Variants in TOPORS observed in about 807,000 individuals in gnomAD.
TOPORS encodes the protein E3 ubiquitin-protein ligase Topors.
A neutral mutation model predicts 81.4 loss-of-function variants in TOPORS; 25 were observed. The observed-to-expected ratio is 0.31, with a 90% CI of 0.22 to 0.43. TOPORS has a LOEUF of 0.43. Among genes scored for constraint, TOPORS ranks in the 20% least tolerant of loss-of-function variants. The probability of loss-of-function intolerance (pLI) is 1.00; values close to 1 mark genes in which losing one functional copy is unlikely to be tolerated. For synonymous variants in TOPORS, 473 were observed against 456.6 expected (o/e 1.04, Z -0.46); for missense variants, 1,101 against 1,267.0 (o/e 0.87, Z 1.99).
intron 1 of TOPORS, 116 bp from the exon 2 acceptor site, chr9:32,551,084 G>A (rs1045686509): frequency 8.0e-6 from 10 of 1,255,366 alleles, no homozygotes; most frequent in Middle Eastern, 2.6e-4. Context: ...CGCATGCGCA[G>A]CAGATGGACG....
At chr9:32,548,670 CTCTAGGAATTAGGACAT>C (rs1289816022) in intron 2 of TOPORS, among the ~76,000 whole-genome samples, 1 of 152,156 alleles carries the variant, frequency 6.6e-6, no homozygotes, top group East Asian at 1.9e-4. Flanking sequence ...CATCCTAGCA[CTCTAGGAATTAGGACAT>C]TTCCTCACAG....
intron 2 of TOPORS, among the ~76,000 whole-genome samples, chr9:32,548,460 A>C (rs1016751972): frequency 1.3e-5 from 2 of 151,968 alleles, no homozygotes; most frequent in African/African-American, 4.8e-5. Flanking sequence ...CGGGAGGCGG[A>C]GGTTGCAGTG....
intron 1 of TOPORS, 39 bp downstream of exon 1, chr9:32,552,395 G>A (rs1324632333): frequency 1.2e-6 from 2 of 1,604,848 alleles, no homozygotes; most frequent in South Asian, 2.2e-5. Flanking sequence ...AAGGCCCGCA[G>A]CTCCCGCCAG....
Position 32,543,126 on chromosome 9 carries a change from GGTC to G in TOPORS, c.1396_1398del (p.Asp466del), listed in dbSNP as rs1195223898. The G allele has an allele frequency of 2.5e-6, 4 of 1,614,048 alleles. No individual in the cohort carries two copies. The highest frequency in any genetic ancestry group is 2.5e-6 in the Non-Finnish European group (3 of 1,180,016). ...GAAGAATCATCACTGTCATTATTTA[GGTC>G]GTCATTGGTTTGTACTCCTTGTATC... On this transcript the variant is annotated inframe_deletion, in exon 3 of 3. Transcript: ENST00000360538. This position sits in a 1 kb window ranked among gnomAD's most constrained non-coding sequence, Gnocchi z 5.6.
chr9:32,552,564 A>T lies in TOPORS; in HGVS notation c.-128T>A, dbSNP rs1434340610. ...GGCCCTATTTCTTCAGCACCCAGAA[A>T]CTCCAAAATCCATTCCTGAATTAAG... On this transcript the variant is annotated 5_prime_UTR_variant, in exon 1 of 3. Transcript: ENST00000360538. 1.6e-6 allele frequency: 2 copies of T among 1,231,776 alleles called. No homozygotes were observed. The highest frequency in any genetic ancestry group is 2.3e-6 in the Non-Finnish European group (2 of 858,226). The allele number at this position is 1,231,776 out of a possible 1,614,324, so 76.3% of individuals were successfully genotyped here. A position where few individuals can be genotyped will look rare whatever the true frequency, so the allele number is the denominator to read the frequency against.
Position 32,543,213 on chromosome 9 carries a change from GAGA to G in TOPORS, c.1309_1311del (p.Ser437del). On this transcript the variant is annotated inframe_deletion, in exon 3 of 3. Transcript: ENST00000360538. The surrounding 1 kb of genome is among the most constrained non-coding windows in gnomAD (Gnocchi z 5.6). ...TCTGAACTGTCAGAAGTATTTAAAA[GAGA>G]AGACATAGTAACGTGTACCTGCTCT... 1.2e-6 allele frequency: 2 copies of G among 1,613,628 alleles called. No homozygotes were observed. Among genetic ancestry groups the G allele is most frequent in the Non-Finnish European group, 1.7e-6 (2 of 1,180,012 alleles).
chr9:32,542,545 CAG>C lies in TOPORS; in HGVS notation c.1978_1979del (p.Leu660ValfsTer4). 6.2e-7 allele frequency: 1 copy of C among 1,614,104 alleles called. No individual in the cohort carries two copies. The highest frequency in any genetic ancestry group is 8.5e-7 in the Non-Finnish European group (1 of 1,180,016). ...TGCTTGTGCTTTCACTACTTAGAGACAGAGTTTGGCTTCTTCTGGACCAACTG... is the reference window on the plus strand; with the variant it reads ...TGCTTGTGCTTTCACTACTTAGAGACAGTTTGGCTTCTTCTGGACCAACTG... ...DSSWSRRSQT[L>X]SLSSESTSRS... On this transcript the variant is annotated frameshift_variant, in exon 3 of 3. Coordinates refer to ENST00000360538, the MANE Select transcript of TOPORS (RefSeq NM_005802.5). LOFTEE classifies it high-confidence loss of function.
In TOPORS at chr9:32,542,929, G is replaced by A. The variant is rs780147778; in HGVS notation, c.1596C>T (p.Cys532=). The part of the protein sequence containing the change: ...YSSGDSDVSR[C]SSPHSVLGKD... ...TTCCAAGGACAGAGTGTGGAGATGA[G>A]CATCTACTAACATCGCTATCACCAG... The change falls in exon 3 of 3, where the codon TGC becomes TGT. Residue 532 remains cysteine, a synonymous_variant. Coordinates refer to ENST00000360538, the MANE Select transcript of TOPORS (RefSeq NM_005802.5). 15 of 1,614,150 alleles carry A rather than the reference G, an allele frequency of 9.3e-6. No individual in the cohort carries two copies. The South Asian group carries it at 1.6e-4, about 18-fold the overall frequency.
At chr9:32,545,295 G>A (rs1821127166) in intron 2 of TOPORS, among the ~76,000 whole-genome samples, 1 of 151,474 alleles carries the variant, frequency 6.6e-6, no homozygotes, top group Admixed American at 6.6e-5. Context: ...TCATGTTTTT[G>A]GTCCCCTTCC....
In TOPORS at chr9:32,552,426, C is replaced by T. The variant is rs202187156; in HGVS notation, c.3+8G>A. ...GCCAGCTCCCGCGGACTGCTGCCGCCTCCTTACCATGAAGCCAGTAAGTCG... is the reference window on the plus strand; with the variant it reads ...GCCAGCTCCCGCGGACTGCTGCCGCTTCCTTACCATGAAGCCAGTAAGTCG... On this transcript the variant is annotated splice_region_variant and intron_variant, in intron 1 of 2. Transcript: ENST00000360538. The T allele has an allele frequency of 6.2e-6, 10 of 1,609,722 alleles. No homozygotes were observed. The East Asian group carries it at 8.9e-5, about 14-fold the overall frequency.
At chr9:32,551,244 AC>A in intron 1 of TOPORS, 1 of 578,444 alleles carries the variant, frequency 1.7e-6, no homozygotes, top group East Asian at 2.9e-5. Flanking sequence ...CCCCTAACTT[AC>A]CCGGAAAACA....
rs145978808 is a variant in TOPORS, at chr9:32,550,951, C to T, written c.21G>A (p.Leu7=). 4.3e-6 allele frequency: 7 copies of T among 1,611,668 alleles called. No individual in the cohort carries two copies. The highest frequency in any genetic ancestry group is 4.0e-5 in the African/African-American group (3 of 75,054). Residue 7 remains leucine (L), a synonymous_variant, in exon 2 of 3, where the codon CTG becomes CTA. Coordinates refer to ENST00000360538, the MANE Select transcript of TOPORS (RefSeq NM_005802.5). MGSQPP[L]GSPLSREEGE... The stretch of plus-strand genomic sequence containing the variant: ...CCTCCTCGCGAGACAGCGGAGACCC[C>T]AGCGGCGGCTGCGACCCCTGTGACG...
rs544253165 is a variant in TOPORS at position 32,543,227 on chromosome 9, A to T, written c.1298T>A (p.Val433Asp). 27 of 1,613,656 alleles carry T rather than the reference A, an allele frequency of 1.7e-5. No individual in the cohort carries two copies. The highest frequency in any genetic ancestry group is 2.3e-5 in the Non-Finnish European group (27 of 1,180,020). ...AGTATTTAAAAGAGAAGACATAGTA[A>T]CGTGTACCTGCTCTGAGCTTGAGTA... Reference protein sequence around the residue: ...PSYSSSEQVHVTMSSLLNTSD... With the variant: ...PSYSSSEQVHDTMSSLLNTSD... The change falls in exon 3 of 3, where the codon GTT (valine) becomes GAT (aspartate). Residue 433 changes from valine to aspartate, a missense_variant. Around this residue, in one of 9 missense-constraint regions of TOPORS, gnomAD observed 103 missense variants for 112.1 expected, o/e 0.92. Coordinates refer to ENST00000360538, the MANE Select transcript of TOPORS (RefSeq NM_005802.5). The surrounding 1 kb of genome is among the most constrained non-coding windows in gnomAD (Gnocchi z 5.6).
At position 32,542,640 on chromosome 9, in the gene TOPORS, A is replaced by T. The variant is rs2118966814; in HGVS notation, c.1885T>A (p.Ser629Thr). ...HGKKRMKSKR[S>T]RSRESSRPRG... is the part of the protein sequence containing the mutation. ...GGTCTGCTACTTTCCCTGCTTCTGGATCGTTTACTTTTCATTCTTTTCTTC... is the reference window on the plus strand; with the variant it reads ...GGTCTGCTACTTTCCCTGCTTCTGGTTCGTTTACTTTTCATTCTTTTCTTC... Residue 629 changes from serine (S) to threonine (T), a missense_variant, in exon 3 of 3, where the codon TCC (serine) becomes ACC (threonine). Physicochemically the swap from Ser to Thr is moderately conservative, Grantham distance 58 (BLOSUM62 1). This residue lies in a region of TOPORS where 605 missense variants were observed against 636.1 expected (regional missense o/e 0.95). Transcript: ENST00000360538. 6.2e-7 allele frequency: 1 copy of T among 1,613,784 alleles called. No individual in the cohort carries two copies. The highest frequency in any genetic ancestry group is 2.2e-5 in the East Asian group (1 of 44,846).
Position 32,543,964 on chromosome 9 carries a change from T to C in TOPORS, c.561A>G (p.Glu187=). Residue 187 remains glutamate (E), a synonymous_variant, in exon 3 of 3, where the codon GAA becomes GAG. Transcript: ENST00000360538. This position sits in a 1 kb window ranked among gnomAD's most constrained non-coding sequence, Gnocchi z 5.6. ...TAGGTGAATACACAGAAGCATTTCG[T>C]TCCCTTGTCAGAGTTGTACGGTAGC... is the stretch of plus-strand genomic sequence containing the variant. ...RFRYRTTLTR[E]RNASVYSPSG... 1 of 1,614,148 alleles carries C rather than the reference T, an allele frequency of 6.2e-7. No individual in the cohort carries two copies. The highest frequency in any genetic ancestry group is 8.5e-7 in the Non-Finnish European group (1 of 1,180,010).
Position 32,543,623 on chromosome 9 carries a change from T to C in TOPORS, c.902A>G (p.Lys301Arg). 6.2e-7 allele frequency: 1 copy of C among 1,612,358 alleles called. No individual in the cohort carries two copies. The highest frequency in any genetic ancestry group is 1.7e-4 in the Middle Eastern group (1 of 6,060). ...TCCAAAAAGAACTGTAAGTTCACGT[T>C]TTAACCAGGGGACTAATCTGTGAAG... ...ACLHRLVPWLKRELTVLFGAH... is the reference protein window; with the variant it reads ...ACLHRLVPWLRRELTVLFGAH... Residue 301 changes from lysine (K) to arginine (R), a missense_variant, in exon 3 of 3, where the codon AAA becomes AGA. By Grantham distance (26) the Lys-to-Arg change is conservative. This residue lies in a region of TOPORS where 69 missense variants were observed against 153.6 expected (regional missense o/e 0.45). Coordinates refer to ENST00000360538, the MANE Select transcript of TOPORS (RefSeq NM_005802.5). This position sits in a 1 kb window ranked among gnomAD's most constrained non-coding sequence, Gnocchi z 5.6.
chr9:32,542,618 C>T lies in TOPORS; in HGVS notation c.1907G>A (p.Arg636Lys). The change falls in exon 3 of 3, where the codon AGA becomes AAA. Residue 636 changes from arginine (R) to lysine (K), a missense_variant. By Grantham distance (26) the Arg-to-Lys change is conservative. Around this residue, in one of 9 missense-constraint regions of TOPORS, gnomAD observed 605 missense variants for 636.1 expected, o/e 0.95. Transcript: ENST00000360538. ...SKRSRSRESSRPRGRRDKKRS... is the reference protein window; with the variant it reads ...SKRSRSRESSKPRGRRDKKRS... ...CTTTTTGTCTCTTCTCCCTCTAGGT[C>T]TGCTACTTTCCCTGCTTCTGGATCG... 1 of 1,614,092 alleles carries T rather than the reference C, an allele frequency of 6.2e-7. No individual in the cohort carries two copies. The highest frequency in any genetic ancestry group is 1.6e-4 in the Middle Eastern group (1 of 6,062).
chr9:32,552,161 T>C, intron 1 of TOPORS: 1 of 426,816 alleles, frequency 2.3e-6, no homozygotes. Flanking sequence ...GGTACGCCTA[T>C]CTCCTTAGTT....
Position 32,544,176 on chromosome 9 carries a change from C to G in TOPORS, c.349G>C (p.Asp117His). Residue 117 changes from aspartate to histidine, a missense_variant, in exon 3 of 3, where the codon GAT becomes CAT. Physicochemically the swap from Asp to His is moderately conservative, Grantham distance 81 (BLOSUM62 -1). Coordinates refer to ENST00000360538, the MANE Select transcript of TOPORS (RefSeq NM_005802.5). ...LDRFDNVSYL[D>H]RCLHKFCFRC... Reference sequence around the variant, plus strand: ...AAACAGAACTTATGTAAGCAGCGATCTAAGTAAGACACATTATCAAATCTA... The same window carrying G: ...AAACAGAACTTATGTAAGCAGCGATGTAAGTAAGACACATTATCAAATCTA... The G allele has an allele frequency of 6.2e-7, 1 of 1,613,710 alleles. No individual in the cohort carries two copies. Among genetic ancestry groups the G allele is most frequent in the Non-Finnish European group, 8.5e-7 (1 of 1,180,036 alleles).
Sources: allele counts gnomAD v4.1 joint callset (sites outside exome capture counted in the v4.1 genomes callset), GRCh38; gene constraint gnomAD v4.1.1; regional missense constraint gnomAD v4.1.1; non-coding constraint Gnocchi (gnomAD v3.1); transcripts MANE v1.5; gene names NCBI Gene and HGNC (gene_info 2026-07-23, HGNC 2026-07-21).